GRIK2: variants seen among roughly 807,000 people sequenced by gnomAD.
The protein encoded by GRIK2 is glutamate ionotropic receptor kainate type subunit 2.
Under a neutral mutation model 100.3 loss-of-function variants are expected in GRIK2, and 32 were observed. The ratio of observed to expected loss-of-function variants is 0.32; its 90% CI spans 0.24 to 0.43. GRIK2 has a LOEUF of 0.43. Ranked by LOEUF, GRIK2 falls within the 20% of genes least tolerant of loss-of-function variation. The pLI is 1.00. For missense variants in GRIK2, 843 were observed against 1,114.9 expected, an observed-to-expected ratio of 0.76 and a Z score of 3.47; for synonymous variants, 417 against 389.4, an observed-to-expected ratio of 1.07 and a Z score of -0.83.
chr6:101,542,369 T>C (rs1776040319), intron 2 of GRIK2, among the ~76,000 whole-genome samples: 1 of 152,124 alleles, frequency 6.6e-6, no homozygotes, highest in Non-Finnish European at 1.5e-5. Context: ...ACTGTATCCA[T>C]ATTTGAATAA....
rs535873911 is a variant in GRIK2, at chr6:101,728,390, G to A, written c.951+42037G>A. ...CTGCATGGTAGATACTTGCATTTCC[G>A]TTTGATACAAGAGAAAACACAACTT... On this transcript the variant is annotated intron_variant, in intron 7 of 16. Coordinates refer to ENST00000369134, the MANE Select transcript of GRIK2 (RefSeq NM_021956.5). 6.6e-5 allele frequency among the ~76,000 whole-genome samples: 10 copies of A among 152,112 alleles called. No homozygotes were observed. The East Asian group carries it at 7.7e-4, about 12-fold the overall frequency.
At chr6:101,443,336 G>T (rs2852527) in intron 2 of GRIK2, among the ~76,000 whole-genome samples, 1 of 151,838 alleles carries the variant, frequency 6.6e-6, no homozygotes, top group Non-Finnish European at 1.5e-5. Context: ...ATAAGTATCT[G>T]GAAACTAAAT....
intron 11 of GRIK2, among the ~76,000 whole-genome samples, chr6:101,884,180 C>T (rs769200159): frequency 6.6e-5 from 10 of 151,950 alleles, no homozygotes; most frequent in Non-Finnish European, 1.2e-4. Context: ...TTTAGGAATG[C>T]GTGGTATTAC....
At chr6:101,601,891 T>A (rs1779230922) in intron 2 of GRIK2, among the ~76,000 whole-genome samples, 1 of 151,720 alleles carries the variant, frequency 6.6e-6, no homozygotes, top group Admixed American at 6.6e-5. Context: ...ATTTTAGTTT[T>A]ATTGATTTTT....
intron 14 of GRIK2, among the ~76,000 whole-genome samples, chr6:101,935,762 G>T (rs1055440383): frequency 1.3e-5 from 2 of 151,830 alleles, no homozygotes. Context: ...GAAAAAAAGC[G>T]CTATTTTAAC....
At chr6:101,584,945 G>C in intron 2 of GRIK2, among the ~76,000 whole-genome samples, 1 of 151,836 alleles carries the variant, frequency 6.6e-6, no homozygotes, top group Admixed American at 6.6e-5. Context: ...TCAGTAAGTG[G>C]AGATGTAACT....
intron 14 of GRIK2, 86 bp from the exon 15 acceptor site, chr6:102,035,255 G>A: frequency 1.7e-6 from 1 of 582,442 alleles, no homozygotes; most frequent in Non-Finnish European, 3.1e-6. Flanking sequence ...TAAAGTAAAT[G>A]TAGTTCATTG....
rs574018597 is a variant in GRIK2 at position 101,609,824 on chromosome 6, G to GA, written c.116-12119dup. Among the ~76,000 whole-genome samples the GA allele has an allele frequency of 1.3e-3, 191 of 151,658 alleles. 1 individual carries two copies. The highest frequency in any genetic ancestry group is 4.5e-3 in the African/African-American group (188 of 41,440). ...ACCCTTGGTCCTGTCAGAAGTAGTA[G>GA]AAAAAAGGAATGAAAAAGATGGTGT... On this transcript the variant is annotated intron_variant, in intron 2 of 16. Coordinates refer to ENST00000369134, the MANE Select transcript of GRIK2 (RefSeq NM_021956.5).
intron 4 of GRIK2, among the ~76,000 whole-genome samples, chr6:101,640,211 A>T (rs1328580744): frequency 6.6e-6 from 1 of 152,204 alleles, no homozygotes; most frequent in Non-Finnish European, 1.5e-5. Context: ...CAGTAACTCT[A>T]GAGTTATATT....
At chr6:101,653,825 C>T (rs2485390) in intron 4 of GRIK2, among the ~76,000 whole-genome samples, 126,699 of 151,882 alleles carry the variant, frequency 0.83, 53,047 homozygotes, top group Middle Eastern at 0.89. Context: ...TTCACTATGT[C>T]GGCCAGGCTG....
intron 7 of GRIK2, among the ~76,000 whole-genome samples, chr6:101,757,011 A>G (rs916656447): frequency 1.3e-5 from 2 of 152,206 alleles, no homozygotes; most frequent in Non-Finnish European, 2.9e-5. Context: ...GTAAGTAATT[A>G]CTTTGTAAAA....
chr6:102,056,447 T>G (rs913382985), intron 16 of GRIK2, among the ~76,000 whole-genome samples: 5 of 151,956 alleles, frequency 3.3e-5, no homozygotes, highest in African/African-American at 1.2e-4. Flanking sequence ...ACCAACAGTT[T>G]AAAGTCTTCT....
intron 2 of GRIK2, among the ~76,000 whole-genome samples, chr6:101,447,628 C>A (rs1406714928): frequency 1.3e-5 from 2 of 151,628 alleles, no homozygotes; most frequent in African/African-American, 4.8e-5. Context: ...AGGAGTGTAG[C>A]TCCCATGTAG....
chr6:101,903,435 C>A (rs1259338453), intron 12 of GRIK2, among the ~76,000 whole-genome samples: 1 of 151,710 alleles, frequency 6.6e-6, no homozygotes, highest in Non-Finnish European at 1.5e-5. Context: ...TATCAGAATG[C>A]CTGTCTCTAA....
chr6:102,038,482 G>T (rs1422125590), intron 15 of GRIK2, among the ~76,000 whole-genome samples: 1 of 149,656 alleles, frequency 6.7e-6, no homozygotes, highest in Non-Finnish European at 1.5e-5. Context: ...ATATTTATTT[G>T]TCTCTCTTTT....
intron 2 of GRIK2, among the ~76,000 whole-genome samples, chr6:101,482,272 A>T (rs928089466): frequency 1.3e-5 from 2 of 152,180 alleles, no homozygotes; most frequent in South Asian, 2.1e-4. Context: ...TATGCTTAGC[A>T]CTGGAAACGT....
chr6:101,409,655 A>T (rs747946469), intron 2 of GRIK2, among the ~76,000 whole-genome samples: 1 of 152,034 alleles, frequency 6.6e-6, no homozygotes, highest in Non-Finnish European at 1.5e-5. Flanking sequence ...AAAATAAGTA[A>T]ATCTTTCTGG....
chr6:101,609,888 A>G (rs1431977336), intron 2 of GRIK2, among the ~76,000 whole-genome samples: 4 of 151,798 alleles, frequency 2.6e-5, no homozygotes, highest in Admixed American at 6.6e-5. Flanking sequence ...ATAGATAGAT[A>G]TTTATAGAGA....
At chr6:101,617,231 C>A (rs1440219905) in intron 2 of GRIK2, among the ~76,000 whole-genome samples, 2 of 151,614 alleles carry the variant, frequency 1.3e-5, no homozygotes, top group African/African-American at 2.4e-5. Context: ...TAATAAGTAT[C>A]CAAGCACTCA....
Sources: allele counts gnomAD v4.1 joint callset (sites outside exome capture counted in the v4.1 genomes callset), GRCh38; gene constraint gnomAD v4.1.1; transcripts MANE v1.5; gene names NCBI Gene and HGNC (gene_info 2026-07-23, HGNC 2026-07-21).